The following NR1H4 variants were observed in gnomAD, a reference collection of about 807,000 sequenced individuals.
The protein encoded by NR1H4 is bile acid receptor.
In NR1H4, 23 loss-of-function variants were observed where a neutral mutation model predicts 58.5. The ratio of observed to expected loss-of-function variants is 0.39; its 90% CI spans 0.28 to 0.56. The LOEUF is 0.56. Ranked by LOEUF, NR1H4 falls within the 20% of genes least tolerant of loss-of-function variation. The pLI is 0.58. For missense variants in NR1H4, 487 were observed against 576.9 expected, an observed-to-expected ratio of 0.84 and a Z score of 1.60; for synonymous variants, 214 against 198.0, an observed-to-expected ratio of 1.08 and a Z score of -0.68.
chr12:100,501,797 A>G (rs1390052676), intron 3 of NR1H4, among the ~76,000 whole-genome samples: 1 of 152,164 alleles, frequency 6.6e-6, no homozygotes, highest in East Asian at 1.9e-4. Flanking sequence ...ATTATTATCT[A>G]TGTTTTACCA....
chr12:100,515,134 T>C (rs758895170), intron 4 of NR1H4, among the ~76,000 whole-genome samples: 6 of 150,818 alleles, frequency 4.0e-5, no homozygotes, highest in Non-Finnish European at 7.4e-5. Context: ...ATCTCAGGCA[T>C]ATGAAGTTTG....
chr12:100,515,897 C>T (rs557096918), intron 4 of NR1H4, among the ~76,000 whole-genome samples: 1 of 152,246 alleles, frequency 6.6e-6, no homozygotes, highest in South Asian at 2.1e-4. Flanking sequence ...AAGCATAGTA[C>T]CTGGACCAGC....
chr12:100,547,133 A>G (rs1027762338), intron 9 of NR1H4, among the ~76,000 whole-genome samples: 1 of 152,152 alleles, frequency 6.6e-6, no homozygotes. Context: ...ATTCTCAACT[A>G]TAACTTTGTT....
chr12:100,504,586 AG>A (rs1188792860), intron 3 of NR1H4, among the ~76,000 whole-genome samples: 1 of 152,222 alleles, frequency 6.6e-6, no homozygotes, highest in African/African-American at 2.4e-5. Flanking sequence ...CAATCACAAA[AG>A]TATACATGTG....
At chr12:100,554,022 T>C (rs1002494803) in intron 9 of NR1H4, among the ~76,000 whole-genome samples, 2 of 152,104 alleles carry the variant, frequency 1.3e-5, no homozygotes, top group Non-Finnish European at 2.9e-5. Context: ...GCCTCTACCA[T>C]AGTGTATGGC....
intron 3 of NR1H4, among the ~76,000 whole-genome samples, 154 bp from the exon 4 acceptor site, chr12:100,510,624 T>C (rs888714454): frequency 8.2e-5 from 12 of 146,620 alleles, no homozygotes; most frequent in Non-Finnish European, 1.8e-4. Context: ...TATATATATA[T>C]ATATATATAT....
chr12:100,526,882 G>A (rs1954570411), intron 4 of NR1H4, among the ~76,000 whole-genome samples: 1 of 152,064 alleles, frequency 6.6e-6, no homozygotes, highest in South Asian at 2.1e-4. Flanking sequence ...AAGAGAGGTC[G>A]AAAACAAAAA....
intron 1 of NR1H4, among the ~76,000 whole-genome samples, chr12:100,481,567 A>T (rs1163297492): frequency 2.0e-5 from 3 of 152,088 alleles, no homozygotes; most frequent in African/African-American, 7.2e-5. Context: ...TGAGCTCAGG[A>T]GTTCTAGACC....
At chr12:100,528,800 T>C (rs1954623784) in intron 4 of NR1H4, among the ~76,000 whole-genome samples, 1 of 152,210 alleles carries the variant, frequency 6.6e-6, no homozygotes, top group Non-Finnish European at 1.5e-5. Context: ...CAAAAAACCC[T>C]GCAGAATGGT....
intron 1 of NR1H4, among the ~76,000 whole-genome samples, chr12:100,474,656 C>T (rs967259316): frequency 3.9e-5 from 6 of 152,062 alleles, no homozygotes; most frequent in African/African-American, 9.7e-5. Flanking sequence ...GTGAGTATGA[C>T]GAAGAACTTT....
chr12:100,521,795 A>T (rs1954426062), intron 4 of NR1H4, among the ~76,000 whole-genome samples: 2 of 152,154 alleles, frequency 1.3e-5, no homozygotes, highest in Admixed American at 1.3e-4. Flanking sequence ...CTATATATAA[A>T]CTTATTGACA....
At chr12:100,530,515 A>G (rs1364774980) in intron 4 of NR1H4, among the ~76,000 whole-genome samples, 1 of 152,222 alleles carries the variant, frequency 6.6e-6, no homozygotes, top group Admixed American at 6.5e-5. Flanking sequence ...ACTAGATGCT[A>G]CATTCCAAGG....
intron 4 of NR1H4, among the ~76,000 whole-genome samples, chr12:100,531,474 T>A (rs1397722092): frequency 2.0e-5 from 3 of 151,910 alleles, no homozygotes; most frequent in East Asian, 3.9e-4. Flanking sequence ...AAAAACAAAG[T>A]TCAGATGAAA....
intron 4 of NR1H4, among the ~76,000 whole-genome samples, chr12:100,513,176 A>C (rs1476069279): frequency 6.6e-6 from 1 of 152,184 alleles, no homozygotes; most frequent in African/African-American, 2.4e-5. Context: ...AGTCTTCTCT[A>C]CCTATATTGC....
intron 4 of NR1H4, among the ~76,000 whole-genome samples, chr12:100,528,554 C>T (rs551461861): frequency 2.6e-5 from 4 of 152,306 alleles, no homozygotes; most frequent in Non-Finnish European, 5.9e-5. Context: ...GGCTCTGTTC[C>T]TCAGTGAATT....
intron 3 of NR1H4, chr12:100,499,827 TA>T (rs1357515084): frequency 4.4e-6 from 2 of 455,924 alleles, no homozygotes; most frequent in Non-Finnish European, 8.8e-6. Context: ...GATATCAAGC[TA>T]AGTACATTTT....
intron 1 of NR1H4, among the ~76,000 whole-genome samples, chr12:100,490,665 GATTCATATATGT>G (rs761477632): frequency 2.0e-5 from 3 of 152,086 alleles, no homozygotes; most frequent in Non-Finnish European, 4.4e-5. Context: ...TTAGTATCAT[GATTCATATATGT>G]ATTCATATAT....
intron 3 of NR1H4, chr12:100,505,880 A>C: frequency 2.8e-6 from 1 of 361,940 alleles, no homozygotes; most frequent in African/African-American, 2.1e-5. Context: ...TTTTGTCCTA[A>C]CCCTTGACAT....
At chr12:100,502,069 T>C (rs1319625952) in intron 3 of NR1H4, among the ~76,000 whole-genome samples, 1 of 152,226 alleles carries the variant, frequency 6.6e-6, no homozygotes. Context: ...AACATCAATG[T>C]AGTGATGATG....
Sources: gnomAD v4.1 joint callset for allele counts (sites outside exome capture counted in the v4.1 genomes callset) on GRCh38, gnomAD v4.1.1 for gene constraint, MANE v1.5 for transcripts, NCBI Gene and HGNC (gene_info 2026-07-23, HGNC 2026-07-21) for gene names.